MYOZ2: variants seen among roughly 807,000 people sequenced by gnomAD.
The protein encoded by MYOZ2 is myozenin 2, also known as myozenin-2.
Under a neutral mutation model 25.4 loss-of-function variants are expected in MYOZ2, and 19 were observed. The ratio of observed to expected loss-of-function variants is 0.75; its 90% CI spans 0.52 to 1.10. The LOEUF is 1.10. Ranked by LOEUF, MYOZ2 falls within the 50% of genes least tolerant of loss-of-function variation. The pLI is 0.00. For missense variants in MYOZ2, 270 were observed against 317.9 expected, an observed-to-expected ratio of 0.85 and a Z score of 1.15; for synonymous variants, 92 against 106.9, an observed-to-expected ratio of 0.86 and a Z score of 0.86.
At chr4:119,139,496 A>C (rs1317758688) in intron 2 of MYOZ2, among the ~76,000 whole-genome samples, 1 of 152,204 alleles carries the variant, frequency 6.6e-6, no homozygotes, top group African/African-American at 2.4e-5. Flanking sequence ...CATATTTTCC[A>C]GTATTAATCA....
At chr4:119,182,559 G>C (rs992001863) in intron 5 of MYOZ2, among the ~76,000 whole-genome samples, 3 of 152,176 alleles carry the variant, frequency 2.0e-5, no homozygotes, top group Middle Eastern at 3.4e-3. Flanking sequence ...TGGCAGGGTG[G>C]GGGGAGATGG....
intron 2 of MYOZ2, among the ~76,000 whole-genome samples, chr4:119,142,686 C>T (rs998344648): frequency 1.3e-5 from 2 of 152,162 alleles, no homozygotes; most frequent in Non-Finnish European, 2.9e-5. Flanking sequence ...GAGAGCCAGA[C>T]AAAGCTGTTC....
chr4:119,156,699 A>G (rs1741585517), intron 3 of MYOZ2, among the ~76,000 whole-genome samples: 2 of 152,172 alleles, frequency 1.3e-5, no homozygotes, highest in South Asian at 4.1e-4. Context: ...CAGACTATCA[A>G]TATTTTATAA....
At chr4:119,157,392 A>C (rs2149223187) in intron 3 of MYOZ2, among the ~76,000 whole-genome samples, 1 of 152,342 alleles carries the variant, frequency 6.6e-6, no homozygotes, top group South Asian at 2.1e-4. Flanking sequence ...TGTAATAGGA[A>C]AACAAATTTA....
At chr4:119,166,216 A>G (rs1186421422) in intron 5 of MYOZ2, among the ~76,000 whole-genome samples, 1 of 152,188 alleles carries the variant, frequency 6.6e-6, no homozygotes, top group Non-Finnish European at 1.5e-5. Flanking sequence ...ATGAAACAAA[A>G]CATGATATGA....
At chr4:119,162,086 C>G (rs779785229) in intron 4 of MYOZ2, among the ~76,000 whole-genome samples, 1 of 151,946 alleles carries the variant, frequency 6.6e-6, no homozygotes, top group Admixed American at 6.6e-5. Context: ...ACTCTTTCCT[C>G]GGGGAGGTAG....
chr4:119,141,795 G>A (rs1008239120), intron 2 of MYOZ2, among the ~76,000 whole-genome samples: 3 of 152,194 alleles, frequency 2.0e-5, no homozygotes, highest in Non-Finnish European at 4.4e-5. Flanking sequence ...TAAACACACC[G>A]TTAAGAACCT....
chr4:119,175,009 A>C (rs530941656), intron 5 of MYOZ2, among the ~76,000 whole-genome samples: 1 of 152,096 alleles, frequency 6.6e-6, no homozygotes, highest in South Asian at 2.1e-4. Flanking sequence ...AACCCACCAG[A>C]AGGAAGAAAC....
At chr4:119,171,526 C>T (rs1741945983) in intron 5 of MYOZ2, among the ~76,000 whole-genome samples, 1 of 151,630 alleles carries the variant, frequency 6.6e-6, no homozygotes, top group Admixed American at 6.6e-5. Context: ...AAAATCTAGT[C>T]ATTTAAAATA....
chr4:119,158,128 C>A lies in MYOZ2; in HGVS notation c.353C>A (p.Pro118Gln). The A allele has an allele frequency of 6.2e-7, 1 of 1,614,092 alleles. No homozygotes were observed. Among genetic ancestry groups the A allele is most frequent in the Non-Finnish European group, 8.5e-7 (1 of 1,179,984 alleles). ...PPNTPDPRSP[P>Q]NPDNIAPGYS... is the part of the protein sequence containing the mutation. Reference sequence around the variant, plus strand: ...AACACCCCAGATCCACGAAGCCCTCCAAATCCAGACAACATTGCTCCAGGT... The same window carrying A: ...AACACCCCAGATCCACGAAGCCCTCAAAATCCAGACAACATTGCTCCAGGT... The change falls in exon 4 of 6, where the codon CCA (proline) becomes CAA (glutamine). Residue 118 changes from proline (P) to glutamine (Q), a missense_variant. Coordinates refer to ENST00000307128, the MANE Select transcript of MYOZ2 (RefSeq NM_016599.5).
intron 5 of MYOZ2, among the ~76,000 whole-genome samples, chr4:119,171,785 A>G (rs1288576499): frequency 4.7e-5 from 7 of 149,064 alleles, no homozygotes; most frequent in African/African-American, 1.5e-4. Context: ...ATTCTGATAT[A>G]TCTATTTTTC....
chr4:119,184,102 A>G (rs566811187), intron 5 of MYOZ2, among the ~76,000 whole-genome samples: 1 of 152,164 alleles, frequency 6.6e-6, no homozygotes, highest in Non-Finnish European at 1.5e-5. Flanking sequence ...GGTGCGAACC[A>G]CTGGCACTGT....
chr4:119,148,532 A>G (rs1430636233), intron 2 of MYOZ2, among the ~76,000 whole-genome samples: 2 of 151,880 alleles, frequency 1.3e-5, no homozygotes, highest in Non-Finnish European at 2.9e-5. Context: ...TACCTCGTTC[A>G]TTTGTTTTCA....
In MYOZ2 at chr4:119,136,542, C is replaced by G. The variant is rs397517289; in HGVS notation, c.17C>G (p.Thr6Ser). 2.1e-5 allele frequency: 34 copies of G among 1,613,392 alleles called. 1 individual carries two copies. In the South Asian group the frequency reaches 3.4e-4, roughly 16 times the overall value. MLSHN[T>S]MMKQRKQQAT... ...AAAAAAACCATGCTATCACATAATA[C>G]TATGATGAAGCAGAGAAAACAGCAA... The change falls in exon 2 of 6, where the codon ACT becomes AGT. Residue 6 changes from threonine to serine, a missense_variant. By Grantham distance (58) the Thr-to-Ser change is moderately conservative. Transcript: ENST00000307128.
chr4:119,169,024 C>G (rs1224812953), intron 5 of MYOZ2, among the ~76,000 whole-genome samples: 1 of 152,138 alleles, frequency 6.6e-6, no homozygotes, highest in Non-Finnish European at 1.5e-5. Flanking sequence ...TAAATTGCCA[C>G]AATCAATCCA....
chr4:119,171,206 C>G (rs1367378124), intron 5 of MYOZ2, among the ~76,000 whole-genome samples: 2 of 151,960 alleles, frequency 1.3e-5, no homozygotes, highest in Non-Finnish European at 2.9e-5. Flanking sequence ...TGTCATTATT[C>G]ACAAATGACA....
intron 5 of MYOZ2, among the ~76,000 whole-genome samples, chr4:119,183,756 T>A (rs1191942883): frequency 6.6e-6 from 1 of 151,954 alleles, no homozygotes; most frequent in Non-Finnish European, 1.5e-5. Context: ...ACACCTGAAA[T>A]ACAAGTCATC....
intron 5 of MYOZ2, among the ~76,000 whole-genome samples, chr4:119,164,876 G>A (rs1419928887): frequency 1.3e-5 from 2 of 151,908 alleles, no homozygotes; most frequent in South Asian, 4.2e-4. Context: ...GATTCCAGAA[G>A]AGGTACAACC....
chr4:119,175,751 T>TA lies in MYOZ2; in HGVS notation c.561-10199dup, dbSNP rs557358945. 2.0e-3 allele frequency among the ~76,000 whole-genome samples: 282 copies of TA among 143,030 alleles called. 2 individuals carry two copies. Among genetic ancestry groups the TA allele is most frequent in the East Asian group, 0.019 (91 of 4,872 alleles). The allele number at this position is 143,030 out of a possible 152,430, so 93.8% of individuals were successfully genotyped here. A position where few individuals can be genotyped will look rare whatever the true frequency, so the allele number is the denominator to read the frequency against. On this transcript the variant is annotated intron_variant, in intron 5 of 5. Coordinates refer to ENST00000307128, the MANE Select transcript of MYOZ2 (RefSeq NM_016599.5). The stretch of plus-strand genomic sequence containing the variant: ...TGGGTGACAGCGTGAGGCTCCATCT[T>TA]AAAAAAAAAAAAAAAATTTTGAAGT...
Sources: allele counts gnomAD v4.1 joint callset (sites outside exome capture counted in the v4.1 genomes callset), GRCh38; gene constraint gnomAD v4.1.1; transcripts MANE v1.5; gene names NCBI Gene and HGNC (gene_info 2026-07-23, HGNC 2026-07-21).